ATRNL1: variants seen among roughly 807,000 people sequenced by gnomAD.
The protein encoded by ATRNL1 is attractin like 1.
In ATRNL1, 95 loss-of-function variants were observed where a neutral mutation model predicts 182.7. The ratio of observed to expected loss-of-function variants is 0.52; its 90% CI spans 0.44 to 0.62. The LOEUF is 0.62. ATRNL1 is among the 20% of genes least tolerant of loss of function. The probability of loss-of-function intolerance (pLI) is 0.00; values close to 1 mark genes in which losing one functional copy is unlikely to be tolerated. For synonymous variants in ATRNL1, 576 were observed against 568.3 expected (o/e 1.01, Z -0.19); for missense variants, 1,471 against 1,679.5 (o/e 0.88, Z 2.17).
intron 19 of ATRNL1, among the ~76,000 whole-genome samples, chr10:115,365,873 G>T (rs1554945774): frequency 6.6e-6 from 1 of 152,106 alleles, no homozygotes; most frequent in African/African-American, 2.4e-5. Context: ...TGATTGCACT[G>T]TGGTCTGAGA....
rs1950499004 is a variant in ATRNL1, at chr10:115,828,894, G to A, written c.3904-18983G>A. On this transcript the variant is annotated intron_variant, in intron 27 of 28. Coordinates refer to ENST00000355044, the MANE Select transcript of ATRNL1 (RefSeq NM_207303.4). ...ATTACTAAATTCCTCTTTAAAAAAT[G>A]TAATGTCCCATTATTAGCCCTCTCC... Among the ~76,000 whole-genome samples, 5 of 152,256 alleles carry A rather than the reference G, an allele frequency of 3.3e-5. No individual in the cohort carries two copies. In the South Asian group the frequency reaches 1.0e-3, roughly 32 times the overall value.
intron 2 of ATRNL1, among the ~76,000 whole-genome samples, chr10:115,121,392 G>A (rs533671826): frequency 6.6e-6 from 1 of 152,222 alleles, no homozygotes; most frequent in East Asian, 1.9e-4. Context: ...TTACAGGCGA[G>A]AGCCACTGCA....
chr10:115,912,633 G>C (rs1342181670), intron 28 of ATRNL1, among the ~76,000 whole-genome samples: 1 of 151,800 alleles, frequency 6.6e-6, no homozygotes, highest in Non-Finnish European at 1.5e-5. Flanking sequence ...AAACAGAAAT[G>C]CTCAACACAA....
intron 28 of ATRNL1, among the ~76,000 whole-genome samples, chr10:115,859,640 G>A (rs1334474030): frequency 6.6e-6 from 1 of 152,104 alleles, no homozygotes; most frequent in Non-Finnish European, 1.5e-5. Flanking sequence ...CCAGTGGTCC[G>A]TCAGCAAATC....
intron 26 of ATRNL1, among the ~76,000 whole-genome samples, chr10:115,691,546 A>T (rs1555048217): frequency 6.6e-6 from 1 of 151,844 alleles, no homozygotes; most frequent in Non-Finnish European, 1.5e-5. Flanking sequence ...ACATGGCAAA[A>T]CTCCGTCTCT....
chr10:115,174,858 GT>G (rs1362431186), intron 8 of ATRNL1, among the ~76,000 whole-genome samples: 5 of 150,894 alleles, frequency 3.3e-5, no homozygotes, highest in African/African-American at 7.3e-5. Context: ...TTGGCATATA[GT>G]TTTTTTTTGG....
At position 115,345,655 on chromosome 10, in the gene ATRNL1, T is replaced by C. The variant is rs560883699; in HGVS notation, c.3175+11236T>C. Among the ~76,000 whole-genome samples the C allele has an allele frequency of 4.6e-5, 7 of 152,320 alleles. No homozygotes were observed. The East Asian group carries it at 1.2e-3, about 25-fold the overall frequency. On this transcript the variant is annotated intron_variant, in intron 19 of 28. Transcript: ENST00000355044. ...TGTCCCTGTTGGAGGGGACGATTGA[T>C]GGAACCTTCTATTCTGCTATCTTGC...
At chr10:115,493,282 A>C (rs1554977202) in intron 24 of ATRNL1, among the ~76,000 whole-genome samples, 1 of 152,086 alleles carries the variant, frequency 6.6e-6, no homozygotes, top group Non-Finnish European at 1.5e-5. Context: ...CCATCCTCAG[A>C]TAGGCCCTTG....
chr10:115,368,873 C>G (rs1162777948), intron 19 of ATRNL1, among the ~76,000 whole-genome samples: 1 of 152,044 alleles, frequency 6.6e-6, no homozygotes. Context: ...ACCACCACGC[C>G]TGGCTAATTT....
chr10:115,614,011 G>T (rs1555019922), intron 26 of ATRNL1, among the ~76,000 whole-genome samples: 1 of 151,080 alleles, frequency 6.6e-6, no homozygotes, highest in Non-Finnish European at 1.5e-5. Context: ...TTTTCTTTTT[G>T]TCTGTATTTT....
chr10:115,760,264 G>A (rs181650030), intron 27 of ATRNL1, among the ~76,000 whole-genome samples: 3 of 151,906 alleles, frequency 2.0e-5, no homozygotes, highest in Admixed American at 1.3e-4. Context: ...TTAAATGTTA[G>A]TAGGGAAGAA....
At chr10:115,286,929 A>T (rs979201769) in intron 15 of ATRNL1, among the ~76,000 whole-genome samples, 4 of 151,960 alleles carry the variant, frequency 2.6e-5, no homozygotes, top group African/African-American at 9.7e-5. Flanking sequence ...TAATCTAGAG[A>T]TGATTTTAAG....
chr10:115,427,380 A>G (rs1331011182), intron 21 of ATRNL1, among the ~76,000 whole-genome samples: 2 of 152,116 alleles, frequency 1.3e-5, no homozygotes, highest in East Asian at 3.9e-4. Flanking sequence ...CAGATATATG[A>G]CTTGCAAATA....
At chr10:115,721,921 A>G (rs4751927) in intron 26 of ATRNL1, among the ~76,000 whole-genome samples, 73,665 of 152,060 alleles carry the variant, frequency 0.48, 18,862 homozygotes, top group East Asian at 0.71. Context: ...TAGCAACCCC[A>G]AATAACTGAA....
At chr10:115,826,829 T>G (rs1555092157) in intron 27 of ATRNL1, among the ~76,000 whole-genome samples, 7 of 152,124 alleles carry the variant, frequency 4.6e-5, no homozygotes, top group Non-Finnish European at 5.9e-5. Flanking sequence ...AAAGCATTAT[T>G]CAGAAAGAAC....
chr10:115,125,642 A>G (rs1218058975), intron 3 of ATRNL1, among the ~76,000 whole-genome samples: 1 of 152,184 alleles, frequency 6.6e-6, no homozygotes, highest in Non-Finnish European at 1.5e-5. Context: ...ATTCAACTCA[A>G]TCCAAACTCA....
intron 13 of ATRNL1, among the ~76,000 whole-genome samples, chr10:115,271,783 A>C (rs1274883837): frequency 3.9e-5 from 6 of 152,086 alleles, no homozygotes; most frequent in African/African-American, 1.4e-4. Context: ...GTCCTGCTTG[A>C]ATTGGATTGT....
At chr10:115,379,305 A>G (rs1269017389) in intron 19 of ATRNL1, among the ~76,000 whole-genome samples, 1 of 152,238 alleles carries the variant, frequency 6.6e-6, no homozygotes. Context: ...TAATTTCAGC[A>G]CTGTCATGAA....
chr10:115,469,416 A>G, intron 24 of ATRNL1, 87 bp downstream of exon 24: 2 of 850,918 alleles, frequency 2.4e-6, no homozygotes, highest in Non-Finnish European at 1.8e-6. Context: ...ATATATGTAC[A>G]TTTCCTGACT....
Sources: allele counts gnomAD v4.1 joint callset (sites outside exome capture counted in the v4.1 genomes callset), GRCh38; gene constraint gnomAD v4.1.1; transcripts MANE v1.5; gene names NCBI Gene and HGNC (gene_info 2026-07-23, HGNC 2026-07-21).